CHRDL1: variants seen among roughly 807,000 people sequenced by gnomAD.
CHRDL1 encodes the protein chordin like 1.
Under a neutral mutation model 40.9 loss-of-function variants are expected in CHRDL1, and 19 were observed. The ratio of observed to expected loss-of-function variants is 0.46; its 90% CI spans 0.32 to 0.68. The LOEUF (loss-of-function observed/expected upper bound fraction) is 0.68, where lower values mean the gene tolerates loss of function less well. Ranked by LOEUF, CHRDL1 falls within the 30% of genes least tolerant of loss-of-function variation. CHRDL1 has a pLI of 0.03. For missense variants in CHRDL1, 329 were observed against 352.1 expected, an observed-to-expected ratio of 0.93 and a Z score of 0.53; for synonymous variants, 136 against 123.4, an observed-to-expected ratio of 1.10 and a Z score of -0.68.
intron 6 of CHRDL1, among the ~76,000 whole-genome samples, chrX:110,712,004 G>A (rs1290843156): frequency 8.9e-6 from 1 of 111,822 alleles, no homozygotes; most frequent in Non-Finnish European, 1.9e-5. Context: ...CATTTCTCCT[G>A]CCTCCCTACT....
intron 8 of CHRDL1, among the ~76,000 whole-genome samples, chrX:110,691,891 G>A (rs762230654): frequency 9.1e-6 from 1 of 109,861 alleles, no homozygotes; most frequent in African/African-American, 3.3e-5. Flanking sequence ...CACAAGACAG[G>A]CCAGATGTGC....
At chrX:110,703,666 C>A in intron 6 of CHRDL1, among the ~76,000 whole-genome samples, 1 of 111,996 alleles carries the variant, frequency 8.9e-6, no homozygotes, top group Non-Finnish European at 1.9e-5. Flanking sequence ...AAAGCAAATA[C>A]AAATGAAATA....
intron 6 of CHRDL1, 80 bp downstream of exon 6, chrX:110,719,755 T>C (rs2070911971): frequency 1.4e-5 from 8 of 553,423 alleles, no homozygotes; most frequent in South Asian, 3.9e-5. Context: ...CCTAGGACAT[T>C]AGACAGGTAT....
intron 7 of CHRDL1, among the ~76,000 whole-genome samples, chrX:110,697,694 C>T (rs759862005): frequency 3.7e-5 from 4 of 108,524 alleles, no homozygotes; most frequent in African/African-American, 6.8e-5. Flanking sequence ...TAAATTTCAA[C>T]GTAATCTACA....
intron 4 of CHRDL1, among the ~76,000 whole-genome samples, chrX:110,741,304 T>C (rs982338309): frequency 9.0e-6 from 1 of 111,617 alleles, no homozygotes; most frequent in African/African-American, 3.3e-5. Flanking sequence ...TCAGGATGGG[T>C]ATAGGATCTG....
intron 5 of CHRDL1, 60 bp downstream of exon 5, chrX:110,721,325 C>T: frequency 9.3e-7 from 1 of 1,075,425 alleles, no homozygotes; most frequent in South Asian, 1.9e-5. Context: ...AGTACAAGTA[C>T]AGAGGAAGCT....
intron 4 of CHRDL1, among the ~76,000 whole-genome samples, chrX:110,729,400 C>T (rs760693363): frequency 1.9e-4 from 21 of 109,867 alleles, no homozygotes; most frequent in Admixed American, 3.9e-4. Context: ...CTGCTTTCCT[C>T]GGGTAGAGTC....
chrX:110,794,574 T>C (rs190099910), intron 1 of CHRDL1, among the ~76,000 whole-genome samples: 3 of 112,796 alleles, frequency 2.7e-5, no homozygotes, highest in East Asian at 5.6e-4. Flanking sequence ...GGTGCTTCCA[T>C]GAAACAAGCA....
At chrX:110,735,983 G>A (rs750611466) in intron 4 of CHRDL1, among the ~76,000 whole-genome samples, 2 of 112,210 alleles carry the variant, frequency 1.8e-5, no homozygotes, top group East Asian at 5.6e-4. Flanking sequence ...ATCCCCCAAT[G>A]CACATATTAT....
At chrX:110,761,202 G>A (rs2089557554) in intron 3 of CHRDL1, among the ~76,000 whole-genome samples, 1 of 111,839 alleles carries the variant, frequency 8.9e-6, no homozygotes, top group Non-Finnish European at 1.9e-5. Context: ...GAATATCACA[G>A]AGGTCAGGTA....
intron 8 of CHRDL1, among the ~76,000 whole-genome samples, chrX:110,689,067 T>TATATATAAATATATATATAA (rs2070091254): frequency 1.2e-4 from 2 of 16,062 alleles, no homozygotes; most frequent in African/African-American, 1.7e-3. Context: ...CATAAATATA[T>TATATATAAATATATATATAA]ATATGTATAT....
intron 1 of CHRDL1, among the ~76,000 whole-genome samples, chrX:110,792,735 G>A (rs1243811595): frequency 1.8e-5 from 2 of 111,943 alleles, no homozygotes; most frequent in African/African-American, 6.5e-5. Flanking sequence ...AAGGATCTTT[G>A]GTTTGGCAAC....
At chrX:110,736,255 GT>G (rs1478400570) in intron 4 of CHRDL1, among the ~76,000 whole-genome samples, 2 of 112,394 alleles carry the variant, frequency 1.8e-5, no homozygotes, top group African/African-American at 6.5e-5. Context: ...AATTCCTGAT[GT>G]GGGGAGAGTT....
At chrX:110,710,470 G>GTAT (rs976490124) in intron 6 of CHRDL1, among the ~76,000 whole-genome samples, 1 of 112,254 alleles carries the variant, frequency 8.9e-6, no homozygotes, top group African/African-American at 3.2e-5. Context: ...ACAGAATGGG[G>GTAT]TATTACTGAC....
At chrX:110,695,773 A>G (rs1254601330) in intron 7 of CHRDL1, among the ~76,000 whole-genome samples, 2 of 112,080 alleles carry the variant, frequency 1.8e-5, no homozygotes, top group African/African-American at 6.5e-5. Context: ...TTTGGGAAGT[A>G]TTATTGCCCT....
intron 6 of CHRDL1, among the ~76,000 whole-genome samples, chrX:110,703,296 C>T (rs989850814): frequency 2.0e-4 from 22 of 111,446 alleles, no homozygotes; most frequent in Admixed American, 9.6e-4. Context: ...ATCAGGTGCT[C>T]AATATATGTA....
At chrX:110,721,693 A>G (rs2070957179) in intron 4 of CHRDL1, among the ~76,000 whole-genome samples, 163 bp from the exon 5 acceptor site, 1 of 112,153 alleles carries the variant, frequency 8.9e-6, no homozygotes, top group Non-Finnish European at 1.9e-5. Flanking sequence ...CCAGACAAGT[A>G]CAGCAGCTGA....
chrX:110,716,409 AAAGAG>A (rs768621796), intron 6 of CHRDL1, among the ~76,000 whole-genome samples: 1 of 110,791 alleles, frequency 9.0e-6, no homozygotes, highest in Admixed American at 9.8e-5. Flanking sequence ...GATAAATGAA[AAAGAG>A]TATCTGTCTT....
At position 110,721,493 on chromosome X, in the gene CHRDL1, G is replaced by T. The variant is rs771068614; in HGVS notation, c.339C>A (p.Ser113Arg). 1.7e-6 allele frequency: 2 copies of T among 1,208,442 alleles called. No homozygotes were observed. Among genetic ancestry groups the T allele is most frequent in the African/African-American group, 1.7e-5 (1 of 57,702 alleles). Residue 113 changes from serine to arginine, a missense_variant, in exon 5 of 12, where the codon AGC becomes AGA. Transcript: ENST00000372042. The stretch of plus-strand genomic sequence containing the variant: ...TTGTCCCATTGTACTCGCAAGACTT[G>T]CTGGTCACCTTATTGTTCACTGGGG... ...SLPPVNNKVT[S>R]KSCEYNGTTY... is the part of the protein sequence containing the mutation.
Sources: allele counts gnomAD v4.1 joint callset (sites outside exome capture counted in the v4.1 genomes callset), GRCh38; gene constraint gnomAD v4.1.1; transcripts MANE v1.5; gene names NCBI Gene and HGNC (gene_info 2026-07-23, HGNC 2026-07-21).